The following ZBBX variants were observed in gnomAD, a reference collection of about 807,000 sequenced individuals.
The protein encoded by ZBBX is zinc finger B-box domain-containing protein 1.
A neutral mutation model predicts 108.5 loss-of-function variants in ZBBX; 101 were observed. That is an observed-to-expected ratio of 0.93 (90% CI 0.79 to 1.10). The LOEUF is 1.10. Among genes scored for constraint, ZBBX ranks in the 50% least tolerant of loss-of-function variants. ZBBX has a pLI of 0.00. For synonymous variants in ZBBX, 356 were observed against 323.4 expected (o/e 1.10, Z -1.08); for missense variants, 1,009 against 941.4 (o/e 1.07, Z -0.94).
At chr3:167,206,843 T>G in the ZBBX span, among the ~76,000 whole-genome samples, 1 of 152,032 alleles carries the variant, frequency 6.6e-6, no homozygotes, top group Middle Eastern at 3.4e-3. Context: ...CCATATATAG[T>G]TAACTAATTT....
the ZBBX span, among the ~76,000 whole-genome samples, chr3:167,208,035 A>G: frequency 6.6e-6 from 1 of 152,148 alleles, no homozygotes; most frequent in Non-Finnish European, 1.5e-5. Flanking sequence ...GATACTTAGC[A>G]TTGGAACTCA....
At chr3:167,305,607 T>C (rs1283997255) in intron 17 of ZBBX, 36 bp downstream of exon 17, 2 of 1,395,542 alleles carry the variant, frequency 1.4e-6, no homozygotes, top group South Asian at 3.6e-5. Flanking sequence ...AGGTTTCTTA[T>C]AAAATTTTAA....
Position 167,372,879 on chromosome 3 carries a change from A to G in ZBBX, c.23T>C (p.Val8Ala). ...ATTTCCAGGTTTTCCCCATGGAAGAACTACAAAATCTTTTCTGTTCATGAT... is the reference window on the plus strand; with the variant it reads ...ATTTCCAGGTTTTCCCCATGGAAGAGCTACAAAATCTTTTCTGTTCATGAT... MNRKDFVVLPWGKPGNSV... is the reference protein window; with the variant it reads MNRKDFVALPWGKPGNSV... The change falls in exon 4 of 22, where the codon GTT becomes GCT. Residue 8 changes from valine (V) to alanine (A), a missense_variant. Physicochemically the swap from Val to Ala is moderately conservative, Grantham distance 64. Coordinates refer to ENST00000675490, the MANE Select transcript of ZBBX (RefSeq NM_001199201.2). The G allele has an allele frequency of 6.2e-7, 1 of 1,602,104 alleles. No homozygotes were observed.
chr3:167,319,415 T>G (rs1412183568), intron 12 of ZBBX, among the ~76,000 whole-genome samples: 1 of 150,940 alleles, frequency 6.6e-6, no homozygotes, highest in African/African-American at 2.5e-5. Flanking sequence ...TGTAAGACTG[T>G]TTTTTGTGGG....
intron 12 of ZBBX, among the ~76,000 whole-genome samples, chr3:167,318,283 T>G (rs1029479871): frequency 6.6e-6 from 1 of 151,994 alleles, no homozygotes; most frequent in Admixed American, 6.6e-5. Context: ...AAAGTCCCCA[T>G]GTAAAAGCCA....
intron 2 of ZBBX, among the ~76,000 whole-genome samples, chr3:167,374,573 C>G (rs942754538): frequency 7.4e-4 from 112 of 152,136 alleles, no homozygotes; most frequent in African/African-American, 2.6e-3. Flanking sequence ...TATGTGTGTG[C>G]TCATAACCAC....
rs189298229 is a variant in ZBBX, at chr3:167,399,989, T to G, written c.-446+7737A>C. Among the ~76,000 whole-genome samples, 311 of 152,306 alleles carry G rather than the reference T, an allele frequency of 2.0e-3. 8 individuals carry two copies. The highest frequency in any genetic ancestry group is 2.4e-3 in the Non-Finnish European group (166 of 68,016). ...TTTTCTGTTTCTGCATTAATTCATT[T>G]AGGATAACTCTCTCCAGCTACAACC... On this transcript the variant is annotated intron_variant, in intron 1 of 21. Transcript: ENST00000455345.
chr3:167,362,136 T>C (rs897749380), intron 6 of ZBBX, among the ~76,000 whole-genome samples: 3 of 152,090 alleles, frequency 2.0e-5, no homozygotes, highest in African/African-American at 4.8e-5. Flanking sequence ...CAAACACACA[T>C]ATACACATAT....
chr3:167,295,987 G>T (rs1405034697), intron 18 of ZBBX, among the ~76,000 whole-genome samples: 1 of 151,270 alleles, frequency 6.6e-6, no homozygotes, highest in East Asian at 1.9e-4. Flanking sequence ...TTTATAATCA[G>T]TGATGTAAAA....
intron 16 of ZBBX, among the ~76,000 whole-genome samples, chr3:167,311,917 T>C (rs1175331419): frequency 6.6e-6 from 1 of 152,134 alleles, no homozygotes; most frequent in African/African-American, 2.4e-5. Flanking sequence ...TATGATCCAA[T>C]AGTTATGCTC....
At chr3:167,186,565 G>A in the ZBBX span, among the ~76,000 whole-genome samples, 4 of 152,090 alleles carry the variant, frequency 2.6e-5, no homozygotes, top group Admixed American at 6.6e-5. Context: ...GATCCCCTTG[G>A]TTTTACTCCC....
Position 167,303,305 on chromosome 3 carries a change from C to A in ZBBX, c.1725+2338G>T, listed in dbSNP as rs969453260. Reference sequence around the variant, plus strand: ...CTAAGTCAACAATCCCTACAATGATCTCTACCTTCCTTTATAATACAGAAT... The same window carrying A: ...CTAAGTCAACAATCCCTACAATGATATCTACCTTCCTTTATAATACAGAAT... On this transcript the variant is annotated intron_variant, in intron 17 of 21. Transcript: ENST00000675490. 2.6e-5 allele frequency among the ~76,000 whole-genome samples: 4 copies of A among 152,178 alleles called. No homozygotes were observed. In the South Asian group the frequency reaches 8.3e-4, roughly 32 times the overall value.
At chr3:167,285,034 A>G (rs969657205) in intron 19 of ZBBX, among the ~76,000 whole-genome samples, 10 of 152,114 alleles carry the variant, frequency 6.6e-5, no homozygotes, top group African/African-American at 2.4e-4. Context: ...ATGCGCCATC[A>G]CTGTCAATGT....
intron 1 of ZBBX, among the ~76,000 whole-genome samples, chr3:167,397,382 T>C (rs1379339120): frequency 6.6e-6 from 1 of 151,864 alleles, no homozygotes; most frequent in Non-Finnish European, 1.5e-5. Context: ...ATAAATAAAA[T>C]TTTATTTCTA....
chr3:167,187,178 C>T, the ZBBX span, among the ~76,000 whole-genome samples: 4 of 152,086 alleles, frequency 2.6e-5, no homozygotes, highest in East Asian at 1.9e-4. Flanking sequence ...ATATAAGATA[C>T]CAGCCTTATT....
At chr3:167,226,643 T>G in the ZBBX span, among the ~76,000 whole-genome samples, 2 of 151,798 alleles carry the variant, frequency 1.3e-5, no homozygotes, top group Non-Finnish European at 2.9e-5. Flanking sequence ...GAATGTTATC[T>G]CTGAATAGAT....
At chr3:167,204,608 A>G in the ZBBX span, among the ~76,000 whole-genome samples, 2 of 149,504 alleles carry the variant, frequency 1.3e-5, no homozygotes, top group African/African-American at 4.9e-5. Flanking sequence ...TCCATGGTGT[A>G]TATGTGCCAC....
chr3:167,322,549 C>T (rs1167233577), intron 11 of ZBBX, among the ~76,000 whole-genome samples: 1 of 151,886 alleles, frequency 6.6e-6, no homozygotes, highest in African/African-American at 2.4e-5. Context: ...TGTATAAACA[C>T]ATACATAAAG....
chr3:167,368,645 T>C, intron 4 of ZBBX, 71 bp from the exon 5 acceptor site: 1 of 1,369,854 alleles, frequency 7.3e-7, no homozygotes. Flanking sequence ...TATAATCTTT[T>C]CCTGTTAAAT....
Sources: gnomAD v4.1 joint callset for allele counts (sites outside exome capture counted in the v4.1 genomes callset) on GRCh38, gnomAD v4.1.1 for gene constraint, MANE v1.5 for transcripts, NCBI Gene and HGNC (gene_info 2026-07-23, HGNC 2026-07-21) for gene names.